Variants in HIVEP3 observed in about 807,000 individuals in gnomAD.
The protein encoded by HIVEP3 is HIVEP zinc finger 3.
HIVEP3 carries 49 observed loss-of-function variants against 152.8 expected under a neutral mutation model. The ratio of observed to expected loss-of-function variants is 0.32; its 90% CI spans 0.26 to 0.41. HIVEP3 has a LOEUF of 0.41. HIVEP3 is among the 10% of genes least tolerant of loss of function. HIVEP3 has a pLI of 1.00. For synonymous variants in HIVEP3, 1,269 were observed against 1,289.0 expected (o/e 0.98, Z 0.33); for missense variants, 2,790 against 3,103.3 (o/e 0.90, Z 2.40).
At chr1:41,536,765 C>T (rs71652193) in intron 5 of HIVEP3, among the ~76,000 whole-genome samples, 2 of 152,148 alleles carry the variant, frequency 1.3e-5, no homozygotes, top group Admixed American at 6.5e-5. Flanking sequence ...ATTTTAAATG[C>T]TTTACATGCA....
chr1:41,740,098 T>C (rs1646974699), intron 1 of HIVEP3, among the ~76,000 whole-genome samples: 1 of 152,186 alleles, frequency 6.6e-6, no homozygotes, highest in South Asian at 2.1e-4. Flanking sequence ...GACTCAAACC[T>C]AAGTCCTCCA....
In HIVEP3 at chr1:41,949,581, T is replaced by C. The variant is rs117694341; in HGVS notation, n.120-31057A>G. 1.5e-3 allele frequency among the ~76,000 whole-genome samples: 225 copies of C among 152,276 alleles called. 7 individuals are homozygous for C. The East Asian group carries it at 0.037, about 25-fold the overall frequency. ...AAAGTTAAAGAAATTCGAGATTGCA[T>C]ACAACATAGAGCAGAGGAGCTTCAA... On this transcript the variant is annotated intron_variant and non_coding_transcript_variant, in intron 1 of 3. Coordinates refer to the HIVEP3 transcript ENST00000489103.
chr1:41,936,458 T>G (rs1645020959), intron 1 of HIVEP3, among the ~76,000 whole-genome samples: 1 of 152,194 alleles, frequency 6.6e-6, no homozygotes, highest in Non-Finnish European at 1.5e-5. Context: ...GTCCACCAGG[T>G]GGAAAGCTCT....
At chr1:41,688,950 A>G (rs1646153777) in intron 2 of HIVEP3, among the ~76,000 whole-genome samples, 1 of 152,086 alleles carries the variant, frequency 6.6e-6, no homozygotes, top group Non-Finnish European at 1.5e-5. Flanking sequence ...CTCCTCAGAG[A>G]GCCCATTTCC....
intron 1 of HIVEP3, among the ~76,000 whole-genome samples, chr1:41,927,975 C>T (rs1022439946): frequency 1.4e-5 from 2 of 147,952 alleles, no homozygotes; most frequent in Non-Finnish European, 3.0e-5. Flanking sequence ...GCAGGAGAAT[C>T]GCTTGAACCC....
At chr1:41,788,986 T>A (rs764685813) in intron 1 of HIVEP3, among the ~76,000 whole-genome samples, 17 of 152,190 alleles carry the variant, frequency 1.1e-4, no homozygotes, top group Non-Finnish European at 1.3e-4. Flanking sequence ...CCTGCAGCCA[T>A]CTCGCCCCCT....
chr1:42,009,711 G>C (rs974264011), intron 1 of HIVEP3, among the ~76,000 whole-genome samples: 18 of 152,026 alleles, frequency 1.2e-4, no homozygotes, highest in African/African-American at 3.6e-4. Context: ...GGCACTCAGT[G>C]GGTTCCTTTT....
intron 1 of HIVEP3, among the ~76,000 whole-genome samples, chr1:41,903,495 A>G (rs1557504953): frequency 6.6e-6 from 1 of 152,244 alleles, no homozygotes; most frequent in African/African-American, 2.4e-5. Flanking sequence ...TTATTCTGCA[A>G]TTATTACTGG....
chr1:41,837,145 G>A (rs1397126260), intron 1 of HIVEP3, among the ~76,000 whole-genome samples: 3 of 152,036 alleles, frequency 2.0e-5, no homozygotes, highest in African/African-American at 7.2e-5. Context: ...CCTGTCTCAG[G>A]AAATTTGCAC....
chr1:41,790,545 G>A (rs181581928), intron 1 of HIVEP3, among the ~76,000 whole-genome samples: 13 of 152,292 alleles, frequency 8.5e-5, no homozygotes, highest in African/African-American at 3.1e-4. Flanking sequence ...GTTTTCAGAT[G>A]TACAAACTGA....
rs1177979801 is a variant in HIVEP3, at chr1:41,580,767, G to A, written c.4031C>T (p.Thr1344Ile). Residue 1344 changes from threonine to isoleucine, a missense_variant, in exon 4 of 9, where the codon ACC (threonine) becomes ATC (isoleucine). Physicochemically the swap from Thr to Ile is moderately conservative, Grantham distance 89. Transcript: ENST00000372583. ...MYTTLSQILV[T>I]QSQGSSATVA... is the part of the protein sequence containing the mutation. ...AGTTGCTGAGCTGCCTTGGGACTGG[G>A]TGACCAAGATCTGGGAAAGGGTGGT... 1 of 1,581,552 alleles carries A rather than the reference G, an allele frequency of 6.3e-7. No individual in the cohort carries two copies.
At chr1:41,768,112 G>A (rs940813932) in intron 1 of HIVEP3, among the ~76,000 whole-genome samples, 10 of 152,194 alleles carry the variant, frequency 6.6e-5, no homozygotes, top group Non-Finnish European at 1.3e-4. Context: ...GACACCATCT[G>A]TATTAGTTCA....
intron 1 of HIVEP3, among the ~76,000 whole-genome samples, chr1:41,805,409 C>T (rs1558284740): frequency 6.6e-6 from 1 of 152,202 alleles, no homozygotes; most frequent in Non-Finnish European, 1.5e-5. Context: ...CCCACTTGGC[C>T]TGAGGCCTTT....
In HIVEP3 at chr1:41,575,609, C is replaced by T. The variant is rs973265662; in HGVS notation, c.5142G>A (p.Glu1714=). 2.8e-5 allele frequency: 45 copies of T among 1,614,006 alleles called. No individual in the cohort carries two copies. The highest frequency in any genetic ancestry group is 3.7e-5 in the Non-Finnish European group (44 of 1,179,960). Residue 1714 remains glutamate (E), a synonymous_variant, in exon 5 of 9, where the codon GAG becomes GAA. Coordinates refer to ENST00000372583, the MANE Select transcript of HIVEP3 (RefSeq NM_024503.5). ...RVEKEEERRG[E]PEEDAPASQR... ...GGGAGGCAGGAGCATCCTCCTCCGG[C>T]TCCCCTCTCCTCTCTTCTTCCTTCT...
intron 2 of HIVEP3, among the ~76,000 whole-genome samples, chr1:41,649,271 G>A (rs912511338): frequency 5.9e-5 from 9 of 152,314 alleles, no homozygotes; most frequent in Non-Finnish European, 1.2e-4. Context: ...AACACATGTG[G>A]AAACACTGGA....
At chr1:41,765,155 G>A (rs1647932554) in intron 1 of HIVEP3, among the ~76,000 whole-genome samples, 1 of 152,150 alleles carries the variant, frequency 6.6e-6, no homozygotes, top group African/African-American at 2.4e-5. Context: ...TGGTGGAGAG[G>A]AGAGCTCTAG....
chr1:41,862,001 G>A (rs1643893521), intron 1 of HIVEP3, among the ~76,000 whole-genome samples: 1 of 152,138 alleles, frequency 6.6e-6, no homozygotes, highest in Non-Finnish European at 1.5e-5. Context: ...CCGGGGGGCG[G>A]ATGAAGGATG....
intron 1 of HIVEP3, among the ~76,000 whole-genome samples, chr1:41,877,818 C>A (rs897010509): frequency 3.9e-5 from 6 of 152,208 alleles, no homozygotes; most frequent in Non-Finnish European, 7.4e-5. Context: ...ACCTGGAAAC[C>A]AAATCAATGA....
chr1:41,892,848 G>A (rs1186641194), intron 1 of HIVEP3, among the ~76,000 whole-genome samples: 1 of 152,158 alleles, frequency 6.6e-6, no homozygotes, highest in African/African-American at 2.4e-5. Context: ...GGCTGGGTAC[G>A]GTGGCTCATG....
Sources: allele counts gnomAD v4.1 joint callset (sites outside exome capture counted in the v4.1 genomes callset), GRCh38; gene constraint gnomAD v4.1.1; transcripts MANE v1.5; gene names NCBI Gene and HGNC (gene_info 2026-07-23, HGNC 2026-07-21).